The following USH2A variants were observed in gnomAD, a reference collection of about 807,000 sequenced individuals.
USH2A encodes the protein usherin, also known as Usher syndrome 2A (autosomal recessive, mild).
In USH2A, 443 loss-of-function variants were observed where a neutral mutation model predicts 538.9. The observed-to-expected ratio is 0.82, with a 90% confidence interval of 0.76 to 0.89. The LOEUF (loss-of-function observed/expected upper bound fraction) is 0.89. Ranked by LOEUF, USH2A falls within the 40% of genes least tolerant of loss-of-function variation. The probability of loss-of-function intolerance (pLI) is 0.00; values close to 1 mark genes in which losing one functional copy is unlikely to be tolerated. For missense variants in USH2A, 6,633 were observed against 6,324.8 expected, an observed-to-expected ratio of 1.05 and a Z score of -1.65; for synonymous variants, 2,413 against 2,273.5, an observed-to-expected ratio of 1.06 and a Z score of -1.75.
intron 12 of USH2A, among the ~76,000 whole-genome samples, chr1:216,248,407 G>T (rs1390545777): frequency 6.6e-6 from 1 of 151,784 alleles, no homozygotes; most frequent in Non-Finnish European, 1.5e-5. Context: ...TCACTGCATG[G>T]GTTGAATCAA....
At chr1:216,314,481 C>T (rs578237679) in intron 9 of USH2A, among the ~76,000 whole-genome samples, 16 of 151,522 alleles carry the variant, frequency 1.1e-4, no homozygotes, top group South Asian at 4.2e-4. Context: ...GTAAAATCTG[C>T]GAACAAACAG....
At chr1:216,330,246 C>T (rs1213845618) in intron 4 of USH2A, among the ~76,000 whole-genome samples, 1 of 152,056 alleles carries the variant, frequency 6.6e-6, no homozygotes, top group East Asian at 1.9e-4. Context: ...CAACAAAATA[C>T]CCTTGCTTTT....
chr1:215,698,422 T>C (rs927618835), intron 61 of USH2A, among the ~76,000 whole-genome samples: 1 of 152,218 alleles, frequency 6.6e-6, no homozygotes, highest in Non-Finnish European at 1.5e-5. Context: ...ATGGTTAAAC[T>C]AATTTACACT....
In USH2A at chr1:216,293,021, CT is replaced by C. The variant is rs1198460233; in HGVS notation, c.1645-652del. ...AACTTATCACACTGAACACAAGCATCTTTTTTTTTTTTTTTTTTTTTGAGAT... is the reference window on the plus strand; with the variant it reads ...AACTTATCACACTGAACACAAGCATCTTTTTTTTTTTTTTTTTTTTGAGAT... On this transcript the variant is annotated intron_variant, in intron 9 of 71. Coordinates refer to ENST00000307340, the MANE Select transcript of USH2A (RefSeq NM_206933.4). Among the ~76,000 whole-genome samples, 713 of 126,296 alleles carry C rather than the reference CT, an allele frequency of 5.6e-3. 2 individuals carry two copies. The highest frequency in any genetic ancestry group is 0.022 in the East Asian group (91 of 4,146). The allele number at this position is 126,296 out of a possible 152,430, so 82.9% of individuals were successfully genotyped here.
chr1:216,180,974 A>G (rs2034481815), intron 20 of USH2A, among the ~76,000 whole-genome samples: 1 of 152,100 alleles, frequency 6.6e-6, no homozygotes, highest in African/African-American at 2.4e-5. Flanking sequence ...CTGCTCACCA[A>G]TCAGTGTCTT....
At position 216,097,376 on chromosome 1, in the gene USH2A, A is replaced by G. The variant is rs77754320; in HGVS notation, c.4628-163T>C. Among the ~76,000 whole-genome samples, 376 of 152,284 alleles carry G rather than the reference A, an allele frequency of 2.5e-3. 2 individuals carry two copies. The highest frequency in any genetic ancestry group is 8.8e-3 in the African/African-American group (365 of 41,556). ...GTCTAGGCCATTTGGTTTTAAATAT[A>G]TCCCATTTTAAATGCCATTCAGTAC... On this transcript the variant is annotated intron_variant, in intron 21 of 71. Transcript: ENST00000307340.
At chr1:215,922,364 C>T (rs1418930342) in intron 38 of USH2A, among the ~76,000 whole-genome samples, 1 of 152,062 alleles carries the variant, frequency 6.6e-6, no homozygotes, top group Non-Finnish European at 1.5e-5. Flanking sequence ...GGTATCTGTT[C>T]CTGGCCCATT....
intron 55 of USH2A, among the ~76,000 whole-genome samples, chr1:215,774,802 A>G (rs1292759176): frequency 2.0e-5 from 3 of 152,090 alleles, no homozygotes; most frequent in Non-Finnish European, 4.4e-5. Context: ...TTTAAAAAAT[A>G]TCATTGTCTA....
At chr1:215,861,170 C>T (rs1376789283) in intron 44 of USH2A, among the ~76,000 whole-genome samples, 1 of 152,208 alleles carries the variant, frequency 6.6e-6, no homozygotes, top group Non-Finnish European at 1.5e-5. Context: ...CAAAACCAAA[C>T]ACCTGCACTT....
chr1:215,944,708 C>T (rs1666716586), intron 37 of USH2A, among the ~76,000 whole-genome samples: 1 of 151,998 alleles, frequency 6.6e-6, no homozygotes, highest in African/African-American at 2.4e-5. Flanking sequence ...ATAAGAGTAA[C>T]TGAAGAGTAA....
At chr1:216,039,199 G>A (rs962172090) in intron 32 of USH2A, among the ~76,000 whole-genome samples, 1 of 151,930 alleles carries the variant, frequency 6.6e-6, no homozygotes, top group Non-Finnish European at 1.5e-5. Context: ...AGCATCCACT[G>A]TTCATTAACC....
intron 37 of USH2A, among the ~76,000 whole-genome samples, chr1:215,957,681 C>T (rs1489261860): frequency 6.6e-6 from 1 of 152,154 alleles, no homozygotes. Context: ...CGTTATGTTC[C>T]CTTTTCTCCT....
At chr1:216,164,290 A>G (rs2034124574) in intron 21 of USH2A, among the ~76,000 whole-genome samples, 1 of 152,168 alleles carries the variant, frequency 6.6e-6, no homozygotes, top group South Asian at 2.1e-4. Flanking sequence ...ACCTAGTGAG[A>G]AATATTTAGT....
intron 11 of USH2A, among the ~76,000 whole-genome samples, chr1:216,266,065 A>G (rs559786654): frequency 6.6e-6 from 1 of 152,296 alleles, no homozygotes; most frequent in South Asian, 2.1e-4. Context: ...AATGTTCCCA[A>G]CACAAAGAAA....
intron 3 of USH2A, among the ~76,000 whole-genome samples, chr1:216,371,957 A>G (rs1257992101): frequency 6.6e-6 from 1 of 152,244 alleles, no homozygotes; most frequent in African/African-American, 2.4e-5. Context: ...TTATATAATT[A>G]TAAATGCTCC....
chr1:216,018,779 A>C (rs1439894399), intron 32 of USH2A, among the ~76,000 whole-genome samples: 1 of 131,014 alleles, frequency 7.6e-6, no homozygotes, highest in Non-Finnish European at 1.6e-5. Context: ...CATTTGAAAA[A>C]TGTTAAGTAG....
chr1:216,139,875 T>C (rs2033567787), intron 21 of USH2A, among the ~76,000 whole-genome samples: 1 of 152,212 alleles, frequency 6.6e-6, no homozygotes, highest in Non-Finnish European at 1.5e-5. Context: ...AGTTCTGACT[T>C]GCGACCCTTT....
intron 70 of USH2A, chr1:215,630,185 G>A (rs756353682): frequency 2.0e-6 from 1 of 492,380 alleles, no homozygotes; most frequent in South Asian, 1.4e-5. Flanking sequence ...GCACACAGAG[G>A]TACCTCAAAG....
intron 21 of USH2A, among the ~76,000 whole-genome samples, chr1:216,140,561 A>G (rs1234318871): frequency 6.6e-6 from 1 of 152,168 alleles, no homozygotes; most frequent in Non-Finnish European, 1.5e-5. Context: ...TAGAACTCCA[A>G]TTTGATCTCA....
Sources: allele counts gnomAD v4.1 joint callset (sites outside exome capture counted in the v4.1 genomes callset), GRCh38; gene constraint gnomAD v4.1.1; transcripts MANE v1.5; gene names NCBI Gene and HGNC (gene_info 2026-07-23, HGNC 2026-07-21).